Variants in KCNT1 observed in about 807,000 individuals in gnomAD.
KCNT1 encodes the protein potassium sodium-activated channel subfamily T member 1, also known as potassium channel subfamily T member 1.
A neutral mutation model predicts 147.8 loss-of-function variants in KCNT1; 78 were observed. The observed-to-expected ratio is 0.53, with a 90% CI of 0.44 to 0.64. KCNT1 has a LOEUF of 0.64. Ranked by LOEUF, KCNT1 falls within the 30% of genes least tolerant of loss-of-function variation. The probability of loss-of-function intolerance (pLI) is 0.00; values close to 1 mark genes in which losing one functional copy is unlikely to be tolerated. For synonymous variants in KCNT1, 867 were observed against 748.8 expected, an observed-to-expected ratio of 1.16 and a Z score of -2.58; for missense variants, 1,419 against 1,750.3, an observed-to-expected ratio of 0.81 and a Z score of 3.38.
In KCNT1 at chr9:135,758,275, A is replaced by G. The variant is rs10776842; in HGVS notation, c.760-139A>G. ...AGCCGAGACACAGGTGTGGCCAGGTACAGGCTGCCCCGTGGGCCTCAGCCG... is the reference window on the plus strand; with the variant it reads ...AGCCGAGACACAGGTGTGGCCAGGTGCAGGCTGCCCCGTGGGCCTCAGCCG... On this transcript the variant is annotated intron_variant, in intron 9 of 30. Transcript: ENST00000371757. The G allele has an allele frequency of 0.31, 120,514 of 389,250 alleles. 6,706 individuals are homozygous for G. Among genetic ancestry groups the G allele is most frequent in the South Asian group, 0.38 (12,592 of 32,902 alleles). 24.1% of individuals were successfully genotyped at this position (389,250 alleles called of 1,614,324 possible).
At chr9:135,736,382 T>C (rs1046863152) in intron 2 of KCNT1, 12 of 152,086 alleles carry the variant, frequency 7.9e-5, no homozygotes, top group Admixed American at 3.9e-4. Context: ...CGACTGTCAT[T>C]GTTACCATTG....
chr9:135,792,156 C>A lies in KCNT1; in HGVS notation c.3703C>A (p.Leu1235Ile). The A allele has an allele frequency of 6.2e-7, 1 of 1,605,394 alleles. No individual in the cohort carries two copies. ...CNPETRDETQ[L>I] ...CCCCGAGACTCGCGACGAGACACAG[C>A]TCTGAGCCAGCCCTGCACGGAGCTC... The change falls in exon 31 of 31, where the codon CTC (leucine) becomes ATC (isoleucine). Residue 1235 changes from leucine (L) to isoleucine (I), a missense_variant. Coordinates refer to ENST00000371757, the MANE Select transcript of KCNT1 (RefSeq NM_020822.3).
At chr9:135,769,234 T>TTGG (rs1564368602) in intron 15 of KCNT1, among the ~76,000 whole-genome samples, 14 of 122,606 alleles carry the variant, frequency 1.1e-4, no homozygotes, top group African/African-American at 1.6e-4. Flanking sequence ...TGTGCACGTG[T>TTGG]GTGTCGGTGT....
chr9:135,755,252 AACCCAGGCTCGGTGAGCACTGAGGACAT>A (rs1219735520), intron 6 of KCNT1, 83 bp downstream of exon 6: 39 of 1,262,764 alleles, frequency 3.1e-5, no homozygotes, highest in Admixed American at 1.2e-4. Context: ...GTAAGTAGGG[AACCCAGGCTCGGTGAGCACTGAGGACAT>A]ACCCAGTCTC....
chr9:135,740,245 T>G (rs1321160489), intron 2 of KCNT1, among the ~76,000 whole-genome samples: 1 of 152,098 alleles, frequency 6.6e-6, no homozygotes, highest in African/African-American at 2.4e-5. Context: ...GGCACAAAAC[T>G]CCGCCCGAGA....
intron 2 of KCNT1, among the ~76,000 whole-genome samples, chr9:135,718,866 G>A (rs189954412): frequency 4.6e-4 from 70 of 152,328 alleles, no homozygotes; most frequent in Non-Finnish European, 8.2e-4. Flanking sequence ...AGAGCTCGGC[G>A]GGCCATGTGG....
intron 2 of KCNT1, among the ~76,000 whole-genome samples, chr9:135,743,827 G>C (rs1051777394): frequency 6.6e-6 from 1 of 152,218 alleles, no homozygotes; most frequent in Non-Finnish European, 1.5e-5. Context: ...CAAGCTATGG[G>C]GGGGCCCCAG....
At chr9:135,735,190 C>T (rs1830285090) in intron 2 of KCNT1, among the ~76,000 whole-genome samples, 2 of 152,226 alleles carry the variant, frequency 1.3e-5, no homozygotes, top group African/African-American at 4.8e-5. Flanking sequence ...TGCATAGGAG[C>T]GTGTGCTCAG....
intron 19 of KCNT1, among the ~76,000 whole-genome samples, chr9:135,774,795 CTGACCA>C (rs2131532775): frequency 6.6e-6 from 1 of 152,238 alleles, no homozygotes; most frequent in South Asian, 2.1e-4. Flanking sequence ...ATGCCGAGGG[CTGACCA>C]TGGGGGGGTC....
chr9:135,717,576 C>T (rs1376649114), intron 2 of KCNT1, among the ~76,000 whole-genome samples: 1 of 152,130 alleles, frequency 6.6e-6, no homozygotes, highest in African/African-American at 2.4e-5. Context: ...GGCGCAGGGG[C>T]AAGTGAGTTG....
In KCNT1 at chr9:135,733,037, C is replaced by T. The variant is rs369594271; in HGVS notation, c.255-17061C>T. Among the ~76,000 whole-genome samples, 93 of 152,092 alleles carry T rather than the reference C, an allele frequency of 6.1e-4. 2 individuals carry two copies. In the East Asian group the frequency reaches 0.011, roughly 18 times the overall value. ...ACAGGAGCAGTGTGGGGAGCAGCAC[C>T]GCCTGTACCTCCTCTGTGACTCCCC... On this transcript the variant is annotated intron_variant, in intron 2 of 30. Transcript: ENST00000371757.
At chr9:135,756,814 T>TCAGGCC in intron 6 of KCNT1, 59 bp from the exon 7 acceptor site, 2 of 1,438,630 alleles carry the variant, frequency 1.4e-6, no homozygotes, top group Admixed American at 1.7e-5. Flanking sequence ...GCCTGTGGGG[T>TCAGGCC]CAGGCCCCAG....
At chr9:135,769,528 A>AGG (rs919895080) in intron 15 of KCNT1, among the ~76,000 whole-genome samples, 1 of 152,150 alleles carries the variant, frequency 6.6e-6, no homozygotes, top group African/African-American at 2.4e-5. Context: ...GGGTCAGTGA[A>AGG]GGCAGGGTCA....
chr9:135,739,089 C>G (rs1201028703), intron 2 of KCNT1, among the ~76,000 whole-genome samples: 1 of 152,112 alleles, frequency 6.6e-6, no homozygotes, highest in Non-Finnish European at 1.5e-5. Context: ...CCAACACAGC[C>G]CCCTCCCCAC....
intron 24 of KCNT1, among the ~76,000 whole-genome samples, chr9:135,780,447 C>T (rs898919574): frequency 1.3e-5 from 2 of 152,184 alleles, no homozygotes; most frequent in African/African-American, 4.8e-5. Flanking sequence ...TGGCTTTGTC[C>T]CACCTGAACC....
In KCNT1 at chr9:135,775,380, G is replaced by A; in HGVS notation, c.2314G>A (p.Val772Met). The change falls in exon 20 of 31, where the codon GTG becomes ATG. Residue 772 changes from valine to methionine, a missense_variant. Physicochemically the swap from Val to Met is conservative, Grantham distance 21. Around this residue, in one of 5 missense-constraint regions of KCNT1, gnomAD observed 247 missense variants for 397.1 expected, o/e 0.62. Transcript: ENST00000371757. ...CCCAACCCTGTGCCACCTCCTGCCT[G>A]TGAAAGCCCCCTTCTGCTGCCTGCG... is the stretch of plus-strand genomic sequence containing the variant. Reference protein sequence around the residue: ...SSPTLCHLLPVKAPFCCLRLD... With the variant: ...SSPTLCHLLPMKAPFCCLRLD... The A allele has an allele frequency of 6.2e-7, 1 of 1,611,122 alleles. No homozygotes were observed. Among genetic ancestry groups the A allele is most frequent in the Non-Finnish European group, 8.5e-7 (1 of 1,178,622 alleles).
chr9:135,705,285 G>C (rs1180490044), intron 1 of KCNT1, among the ~76,000 whole-genome samples: 1 of 152,220 alleles, frequency 6.6e-6, no homozygotes, highest in Non-Finnish European at 1.5e-5. Context: ...GCCCTGGAAA[G>C]GGTGGCACTT....
At chr9:135,721,003 G>A (rs900764011) in intron 2 of KCNT1, among the ~76,000 whole-genome samples, 7 of 152,246 alleles carry the variant, frequency 4.6e-5, no homozygotes, top group Admixed American at 2.6e-4. Context: ...AGGGACACAC[G>A]GCCGAGCCCA....
chr9:135,792,181 C>G lies in KCNT1; in HGVS notation c.*20C>G. The G allele has an allele frequency of 1.3e-6, 2 of 1,599,462 alleles. No individual in the cohort carries two copies. Among genetic ancestry groups the G allele is most frequent in the Non-Finnish European group, 1.7e-6 (2 of 1,176,732 alleles). ...CTCTGAGCCAGCCCTGCACGGAGCTCAGGCCACCAAGCCCGGGGTCCTCAG... is the reference window on the plus strand; with the variant it reads ...CTCTGAGCCAGCCCTGCACGGAGCTGAGGCCACCAAGCCCGGGGTCCTCAG... On this transcript the variant is annotated 3_prime_UTR_variant, in exon 31 of 31. Coordinates refer to ENST00000371757, the MANE Select transcript of KCNT1 (RefSeq NM_020822.3).
Sources: gnomAD v4.1 joint callset for allele counts (sites outside exome capture counted in the v4.1 genomes callset) on GRCh38, gnomAD v4.1.1 for gene constraint, gnomAD v4.1.1 regional missense constraint, MANE v1.5 for transcripts, NCBI Gene and HGNC (gene_info 2026-07-23, HGNC 2026-07-21) for gene names.